RXFP2: variants seen among roughly 807,000 people sequenced by gnomAD.
RXFP2 encodes relaxin receptor 2.
In RXFP2, 68 loss-of-function variants were observed where a neutral mutation model predicts 88.6. That is an observed-to-expected ratio of 0.77 (90% CI 0.63 to 0.94). The LOEUF (loss-of-function observed/expected upper bound fraction) is 0.94, where lower values mean the gene tolerates loss of function less well. RXFP2 is among the 40% of genes least tolerant of loss of function. The pLI, the probability that RXFP2 is intolerant of heterozygous loss-of-function variation, is 0.00. For missense variants in RXFP2, 791 were observed against 893.9 expected (o/e 0.88, Z 1.47); for synonymous variants, 329 against 306.8 (o/e 1.07, Z -0.76).
chr13:31,743,564 G>A (rs1271177551), intron 1 of RXFP2, among the ~76,000 whole-genome samples: 1 of 151,936 alleles, frequency 6.6e-6, no homozygotes, highest in South Asian at 2.1e-4. Flanking sequence ...GATTGATAAA[G>A]TTCTAGTCCT....
chr13:31,768,646 C>T (rs923298479), intron 5 of RXFP2, among the ~76,000 whole-genome samples: 1 of 152,152 alleles, frequency 6.6e-6, no homozygotes, highest in African/African-American at 2.4e-5. Context: ...TCAATGAAAC[C>T]ACCCAGTAAG....
intron 1 of RXFP2, among the ~76,000 whole-genome samples, chr13:31,751,542 G>A (rs1211249496): frequency 6.6e-6 from 1 of 152,172 alleles, no homozygotes; most frequent in East Asian, 1.9e-4. Context: ...CTTATGTGAG[G>A]TGGGTCCTGC....
rs373183954 is a variant in RXFP2, at chr13:31,786,655, A to G, written c.1073+18A>G. The stretch of plus-strand genomic sequence containing the variant: ...CAGTCTCTGTAAGTGAAATATTACA[A>G]TTATATTGATTATAATTTTAGTGGA... On this transcript the variant is annotated intron_variant, in intron 13 of 17. Coordinates refer to ENST00000298386, the MANE Select transcript of RXFP2 (RefSeq NM_130806.5). 46 of 1,399,704 alleles carry G rather than the reference A, an allele frequency of 3.3e-5. No homozygotes were observed. Among genetic ancestry groups the G allele is most frequent in the Non-Finnish European group, 4.0e-5 (40 of 988,788 alleles). The allele number at this position is 1,399,704 out of a possible 1,614,324, so 86.7% of individuals were successfully genotyped here.
At chr13:31,779,799 C>T (rs944107671) in intron 9 of RXFP2, among the ~76,000 whole-genome samples, 5 of 152,136 alleles carry the variant, frequency 3.3e-5, no homozygotes, top group Non-Finnish European at 7.4e-5. Context: ...CTCAAAATCT[C>T]TTGTTACAAC....
chr13:31,753,164 G>A (rs1041558240), intron 1 of RXFP2, among the ~76,000 whole-genome samples: 5 of 152,154 alleles, frequency 3.3e-5, no homozygotes, highest in African/African-American at 1.2e-4. Context: ...TGTAGGACTA[G>A]CATTGGCAGA....
At chr13:31,752,344 T>C (rs1401747166) in intron 1 of RXFP2, among the ~76,000 whole-genome samples, 1 of 152,060 alleles carries the variant, frequency 6.6e-6, no homozygotes, top group Non-Finnish European at 1.5e-5. Flanking sequence ...AAGTGTTTGC[T>C]TTGTCCCAGA....
At chr13:31,800,750 G>A (rs1046011540) in intron 17 of RXFP2, among the ~76,000 whole-genome samples, 11 of 152,138 alleles carry the variant, frequency 7.2e-5, no homozygotes, top group Non-Finnish European at 1.6e-4. Context: ...ATTGGGGTGG[G>A]ATTCGTGATC....
chr13:31,759,224 G>C (rs1443453631), intron 2 of RXFP2, among the ~76,000 whole-genome samples: 1 of 151,562 alleles, frequency 6.6e-6, no homozygotes, highest in African/African-American at 2.4e-5. Flanking sequence ...TGTGAACTAA[G>C]ATGATGATAA....
intron 2 of RXFP2, 75 bp downstream of exon 2, chr13:31,758,479 G>T: frequency 6.6e-7 from 1 of 1,516,852 alleles, no homozygotes. Context: ...GTTGGATAAT[G>T]ATTGTGATAA....
At chr13:31,768,690 A>G (rs2063592151) in intron 5 of RXFP2, among the ~76,000 whole-genome samples, 1 of 152,170 alleles carries the variant, frequency 6.6e-6, no homozygotes. Context: ...CAAGTTCTTT[A>G]TACTCAAATA....
At chr13:31,762,355 G>T (rs1872338027) in intron 3 of RXFP2, among the ~76,000 whole-genome samples, 1 of 152,238 alleles carries the variant, frequency 6.6e-6, no homozygotes, top group African/African-American at 2.4e-5. Context: ...GAAAGGATAT[G>T]AGGTGACAGG....
chr13:31,796,338 A>G (rs1874045492), intron 16 of RXFP2, among the ~76,000 whole-genome samples: 1 of 151,852 alleles, frequency 6.6e-6, no homozygotes, highest in Non-Finnish European at 1.5e-5. Context: ...GACCAAAAAC[A>G]TTAGGAATAA....
intron 17 of RXFP2, among the ~76,000 whole-genome samples, chr13:31,799,443 C>A (rs1446221020): frequency 6.6e-6 from 1 of 152,070 alleles, no homozygotes; most frequent in Non-Finnish European, 1.5e-5. Context: ...AACTCCTGAC[C>A]CCAAGTGATC....
intron 3 of RXFP2, among the ~76,000 whole-genome samples, chr13:31,762,503 G>A (rs1872346703): frequency 1.3e-5 from 2 of 152,222 alleles, no homozygotes; most frequent in Admixed American, 6.5e-5. Context: ...GCTAGCCCAT[G>A]AAGGGTTTTG....
chr13:31,752,847 GC>G (rs1400439625), intron 1 of RXFP2, among the ~76,000 whole-genome samples: 1 of 152,162 alleles, frequency 6.6e-6, no homozygotes, highest in Non-Finnish European at 1.5e-5. Context: ...GACGCTGTCT[GC>G]TTTGCTGACT....
At chr13:31,787,708 T>C (rs1295162022) in intron 13 of RXFP2, among the ~76,000 whole-genome samples, 3 of 152,194 alleles carry the variant, frequency 2.0e-5, no homozygotes, top group Admixed American at 6.5e-5. Flanking sequence ...GGCACAAGCT[T>C]GGCTCACTGC....
intron 3 of RXFP2, among the ~76,000 whole-genome samples, chr13:31,762,732 T>G (rs1228440663): frequency 6.6e-6 from 1 of 152,172 alleles, no homozygotes; most frequent in Non-Finnish European, 1.5e-5. Context: ...TTATATATTT[T>G]ATTATACACA....
chr13:31,740,593 A>T (rs1456785119), intron 1 of RXFP2, among the ~76,000 whole-genome samples: 1 of 152,028 alleles, frequency 6.6e-6, no homozygotes, highest in Non-Finnish European at 1.5e-5. Context: ...TTCCAAGTGA[A>T]TATTTTAAAT....
intron 10 of RXFP2, 108 bp from the exon 11 acceptor site, chr13:31,782,568 T>G (rs1196494017): frequency 2.4e-6 from 2 of 843,608 alleles, no homozygotes; most frequent in Non-Finnish European, 4.1e-6. Context: ...CCTTGAAGAC[T>G]TCAAAGGAGG....
Sources: allele counts gnomAD v4.1 joint callset (sites outside exome capture counted in the v4.1 genomes callset), GRCh38; gene constraint gnomAD v4.1.1; transcripts MANE v1.5; gene names NCBI Gene and HGNC (gene_info 2026-07-23, HGNC 2026-07-21).